Variants in EPDR1 observed in about 807,000 individuals in gnomAD.
EPDR1 encodes the protein mammalian ependymin-related protein 1.
In EPDR1, 27 loss-of-function variants were observed where a neutral mutation model predicts 23.7. The observed-to-expected ratio is 1.14, with a 90% CI of 0.84 to 1.57. The LOEUF is 1.57. EPDR1 is among the 40% of genes most tolerant of loss of function. The pLI, the probability that EPDR1 is intolerant of heterozygous loss-of-function variation, is 0.00. For missense variants in EPDR1, 349 were observed against 290.4 expected (o/e 1.20, Z -1.47); for synonymous variants, 137 against 118.2 (o/e 1.16, Z -1.03).
chr7:37,931,411 G>A lies in EPDR1; in HGVS notation c.269+10203G>A, dbSNP rs566106131. Among the ~76,000 whole-genome samples, 315 of 152,198 alleles carry A rather than the reference G, an allele frequency of 2.1e-3. 2 individuals carry two copies. The highest frequency in any genetic ancestry group is 7.2e-3 in the African/African-American group (301 of 41,526). ...CGCCTGTAATCCCAGCTACCCAGGA[G>A]GCTGAGGCAGGAGAATTGCTGGAAC... On this transcript the variant is annotated intron_variant, in intron 1 of 2. Transcript: ENST00000199448.
chr7:37,936,021 T>TACAC (rs1352941735), intron 1 of EPDR1, among the ~76,000 whole-genome samples: 4 of 117,320 alleles, frequency 3.4e-5, no homozygotes, highest in African/African-American at 1.0e-4. Flanking sequence ...TATATATATA[T>TACAC]ATATATATAT....
At chr7:37,926,894 T>C in intron 1 of EPDR1, 1 of 276,584 alleles carries the variant, frequency 3.6e-6, no homozygotes, top group South Asian at 3.6e-5. Context: ...TGTATCAGTG[T>C]GGACTCAAGC....
In EPDR1 at chr7:37,921,191, G is replaced by T; in HGVS notation, c.252G>T (p.Ala84=). ...QRVRVLDERK[A]LIPCKRLFEY... Reference sequence around the variant, plus strand: ...TGCGGGTGCTGGACGAGAGGAAGGCGCTGATCCCCTGCAAGAGGTACAGGT... The same window carrying T: ...TGCGGGTGCTGGACGAGAGGAAGGCTCTGATCCCCTGCAAGAGGTACAGGT... Residue 84 remains alanine (A), a synonymous_variant, in exon 1 of 3, where the codon GCG becomes GCT. Transcript: ENST00000199448. The T allele has an allele frequency of 6.3e-7, 1 of 1,590,146 alleles. No individual in the cohort carries two copies. Among genetic ancestry groups the T allele is most frequent in the African/African-American group, 1.4e-5 (1 of 73,218 alleles).
chr7:37,946,319 A>T (rs1786273747), intron 1 of EPDR1, among the ~76,000 whole-genome samples: 4 of 152,296 alleles, frequency 2.6e-5, no homozygotes, highest in African/African-American at 9.6e-5. Flanking sequence ...TGTCTTCCAC[A>T]ATGGTTGAAC....
intron 1 of EPDR1, 110 bp downstream of exon 1, chr7:37,921,318 C>G (rs1323731659): frequency 7.0e-7 from 1 of 1,438,238 alleles, no homozygotes; most frequent in Non-Finnish European, 9.1e-7. Flanking sequence ...TGCAGCTCCT[C>G]CCTTCTCCCA....
chr7:37,923,283 T>C (rs1190523468), intron 1 of EPDR1, among the ~76,000 whole-genome samples: 4 of 152,046 alleles, frequency 2.6e-5, no homozygotes, highest in Non-Finnish European at 5.9e-5. Context: ...GTAGTAGCGA[T>C]GGAAATGGTG....
At chr7:37,948,074 G>A (rs926937755) in intron 1 of EPDR1, among the ~76,000 whole-genome samples, 137 of 152,344 alleles carry the variant, frequency 9.0e-4, no homozygotes, top group African/African-American at 2.9e-3. Flanking sequence ...TGGAGGCAGT[G>A]AAGCACAGGC....
chr7:37,944,857 C>T (rs745932215), intron 1 of EPDR1, among the ~76,000 whole-genome samples: 11 of 152,108 alleles, frequency 7.2e-5, no homozygotes, highest in Non-Finnish European at 1.5e-4. Flanking sequence ...AGAAGGAAAC[C>T]CCCTCTCCTG....
chr7:37,926,789 A>AT, intron 1 of EPDR1: 4 of 423,570 alleles, frequency 9.4e-6, no homozygotes, highest in East Asian at 7.2e-5. Flanking sequence ...GAAATGATAC[A>AT]TTTTTTCTTT....
At chr7:37,925,571 A>G (rs1023792692) in intron 1 of EPDR1, among the ~76,000 whole-genome samples, 4 of 152,150 alleles carry the variant, frequency 2.6e-5, no homozygotes, top group Admixed American at 2.0e-4. Flanking sequence ...CTCTTTTTTA[A>G]ACAGAGAATC....
chr7:37,950,249 G>A lies in EPDR1; in HGVS notation c.528G>A (p.Gln176=). The change falls in exon 3 of 3, where the codon CAG becomes CAA. Residue 176 remains glutamine (Q), a synonymous_variant. Transcript: ENST00000199448. ...CAGTCAAGGATTGCTATCCTGTCCA[G>A]GAAACCTTTACCATAAACTACAGTG... ...IYTVKDCYPV[Q]ETFTINYSVI... is the part of the protein sequence containing the mutation. 6.2e-7 allele frequency: 1 copy of A among 1,614,096 alleles called. No homozygotes were observed. The highest frequency in any genetic ancestry group is 8.5e-7 in the Non-Finnish European group (1 of 1,179,998).
At chr7:37,929,370 A>T (rs1318107959) in intron 1 of EPDR1, among the ~76,000 whole-genome samples, 1 of 152,140 alleles carries the variant, frequency 6.6e-6, no homozygotes, top group African/African-American at 2.4e-5. Flanking sequence ...CATTCTTTTC[A>T]ACATACTATG....
intron 2 of EPDR1, among the ~76,000 whole-genome samples, chr7:37,949,677 G>T (rs1040483223): frequency 6.6e-6 from 1 of 152,170 alleles, no homozygotes; most frequent in Non-Finnish European, 1.5e-5. Flanking sequence ...CATGTCCACA[G>T]CAGCATTATT....
intron 1 of EPDR1, among the ~76,000 whole-genome samples, chr7:37,937,207 C>T (rs12154361): frequency 6.6e-6 from 1 of 152,042 alleles, no homozygotes; most frequent in African/African-American, 2.4e-5. Context: ...AAAGATGAAA[C>T]TGAATCCACA....
At chr7:37,935,155 C>T (rs1786023062) in intron 1 of EPDR1, among the ~76,000 whole-genome samples, 1 of 152,084 alleles carries the variant, frequency 6.6e-6, no homozygotes, top group African/African-American at 2.4e-5. Flanking sequence ...ATCTACAGGG[C>T]TCCAATCTTC....
At chr7:37,929,047 C>T (rs929697423) in intron 1 of EPDR1, among the ~76,000 whole-genome samples, 1 of 152,156 alleles carries the variant, frequency 6.6e-6, no homozygotes, top group African/African-American at 2.4e-5. Flanking sequence ...CCAGCTCACT[C>T]ATTGTGGACC....
intron 1 of EPDR1, among the ~76,000 whole-genome samples, chr7:37,943,802 A>G (rs142186995): frequency 1.3e-5 from 2 of 152,294 alleles, no homozygotes; most frequent in East Asian, 3.9e-4. Context: ...TTTCATAGTG[A>G]TTGTTCCGGG....
At chr7:37,929,361 A>G (rs536504967) in intron 1 of EPDR1, among the ~76,000 whole-genome samples, 2 of 152,324 alleles carry the variant, frequency 1.3e-5, no homozygotes, top group South Asian at 4.1e-4. Flanking sequence ...AACACTTTAC[A>G]TTCTTTTCAA....
At chr7:37,942,229 T>A (rs1447199546) in intron 1 of EPDR1, among the ~76,000 whole-genome samples, 1 of 152,174 alleles carries the variant, frequency 6.6e-6, no homozygotes, top group Non-Finnish European at 1.5e-5. Flanking sequence ...AATCCATCAG[T>A]GGATGAATGG....
Sources: gnomAD v4.1 joint callset for allele counts (sites outside exome capture counted in the v4.1 genomes callset) on GRCh38, gnomAD v4.1.1 for gene constraint, MANE v1.5 for transcripts, NCBI Gene and HGNC (gene_info 2026-07-23, HGNC 2026-07-21) for gene names.